CACNA2D3: variants seen among roughly 807,000 people sequenced by gnomAD.
CACNA2D3 encodes the protein voltage-dependent calcium channel subunit alpha-2/delta-3.
A neutral mutation model predicts 160.6 loss-of-function variants in CACNA2D3; 60 were observed. The ratio of observed to expected loss-of-function variants is 0.37; its 90% CI spans 0.30 to 0.46. The LOEUF (loss-of-function observed/expected upper bound fraction) is 0.46, where lower values mean the gene tolerates loss of function less well. CACNA2D3 is among the 20% of genes least tolerant of loss of function. The pLI, the probability that CACNA2D3 is intolerant of heterozygous loss-of-function variation, is 1.00. For missense variants in CACNA2D3, 1,205 were observed against 1,365.0 expected, an observed-to-expected ratio of 0.88 and a Z score of 1.85; for synonymous variants, 558 against 492.9, an observed-to-expected ratio of 1.13 and a Z score of -1.75.
At chr3:54,888,080 A>T (rs745366291) in intron 24 of CACNA2D3, 28 bp downstream of exon 24, 44 of 1,518,200 alleles carry the variant, frequency 2.9e-5, no homozygotes, top group Middle Eastern at 3.4e-4. Flanking sequence ...TCCTCGTTTC[A>T]TGGCCATTTC....
rs191042863 is a variant in CACNA2D3 at position 54,975,250 on chromosome 3, G to A, written c.2556+5406G>A. On this transcript the variant is annotated intron_variant, in intron 29 of 37. Transcript: ENST00000474759. Reference sequence around the variant, plus strand: ...TAAAGAAAATGTGGCTGGGCACGATGGCTCACACCTGTAATCCCAGCACTT... The same window carrying A: ...TAAAGAAAATGTGGCTGGGCACGATAGCTCACACCTGTAATCCCAGCACTT... 1.3e-4 allele frequency among the ~76,000 whole-genome samples: 20 copies of A among 152,300 alleles called. No homozygotes were observed. In the East Asian group the frequency reaches 3.9e-3, roughly 29 times the overall value.
chr3:54,837,242 C>G lies in CACNA2D3; in HGVS notation c.1470+12C>G. Reference sequence around the variant, plus strand: ...AGCAGAACGAAACCGTGAGTACAGTCGCTGAGCTTCCTGCTTGATGCTAGG... The same window carrying G: ...AGCAGAACGAAACCGTGAGTACAGTGGCTGAGCTTCCTGCTTGATGCTAGG... On this transcript the variant is annotated intron_variant, in intron 15 of 37. Transcript: ENST00000474759. The G allele has an allele frequency of 1.2e-6, 2 of 1,612,074 alleles. No individual in the cohort carries two copies. Among genetic ancestry groups the G allele is most frequent in the Non-Finnish European group, 1.7e-6 (2 of 1,178,184 alleles).
intron 9 of CACNA2D3, among the ~76,000 whole-genome samples, chr3:54,591,010 T>C (rs1702849037): frequency 6.6e-6 from 1 of 152,218 alleles, no homozygotes; most frequent in Non-Finnish European, 1.5e-5. Context: ...CAAAGCATTT[T>C]TTTTATTAGT....
intron 4 of CACNA2D3, among the ~76,000 whole-genome samples, chr3:54,439,332 T>TG (rs569912362): frequency 0.14 from 20,945 of 150,850 alleles, 1,651 homozygotes; most frequent in Admixed American, 0.24. Context: ...TGTGTGTGTG[T>TG]TTGTGTGTGA....
At chr3:54,332,953 C>T (rs994904953) in intron 3 of CACNA2D3, among the ~76,000 whole-genome samples, 6 of 152,218 alleles carry the variant, frequency 3.9e-5, no homozygotes, top group Admixed American at 6.5e-5. Flanking sequence ...GAGTCCTGGC[C>T]GTGCCACCCA....
chr3:54,858,316 T>C (rs1699214886), intron 17 of CACNA2D3, among the ~76,000 whole-genome samples: 1 of 152,064 alleles, frequency 6.6e-6, no homozygotes, highest in Non-Finnish European at 1.5e-5. Context: ...TTGCCCAGTG[T>C]CATCTAATTG....
chr3:54,672,627 T>C (rs1700180365), intron 11 of CACNA2D3, among the ~76,000 whole-genome samples: 1 of 152,230 alleles, frequency 6.6e-6, no homozygotes, highest in African/African-American at 2.4e-5. Context: ...GCATCACATC[T>C]ATGGATTAGT....
At chr3:55,053,394 G>T (rs1344261041) in intron 35 of CACNA2D3, among the ~76,000 whole-genome samples, 1 of 151,944 alleles carries the variant, frequency 6.6e-6, no homozygotes, top group Non-Finnish European at 1.5e-5. Flanking sequence ...AAGGAAATCA[G>T]TATAGATAGA....
intron 17 of CACNA2D3, among the ~76,000 whole-genome samples, chr3:54,849,419 G>GC (rs951117582): frequency 4.6e-5 from 7 of 152,246 alleles, no homozygotes; most frequent in Middle Eastern, 3.4e-3. Flanking sequence ...TCAGCACAGA[G>GC]CAGGGACTCA....
intron 9 of CACNA2D3, among the ~76,000 whole-genome samples, chr3:54,593,227 T>A (rs1702894222): frequency 6.6e-6 from 1 of 152,204 alleles, no homozygotes; most frequent in Admixed American, 6.5e-5. Flanking sequence ...AGATCCAGTA[T>A]AATTTAACGT....
intron 9 of CACNA2D3, among the ~76,000 whole-genome samples, chr3:54,623,031 T>C (rs938971587): frequency 6.6e-6 from 1 of 152,156 alleles, no homozygotes; most frequent in South Asian, 2.1e-4. Flanking sequence ...TCACGAGGTA[T>C]GGTCTCCGCA....
chr3:54,188,995 C>T lies in CACNA2D3; in HGVS notation c.204+65401C>T, dbSNP rs551185170. Reference sequence around the variant, plus strand: ...TTTTCCCCACCTCACTCCTGCAATACATCCAGCCTGAGTCAAAAGTGAAGC... The same window carrying T: ...TTTTCCCCACCTCACTCCTGCAATATATCCAGCCTGAGTCAAAAGTGAAGC... On this transcript the variant is annotated intron_variant, in intron 2 of 37. Transcript: ENST00000474759. Among the ~76,000 whole-genome samples the T allele has an allele frequency of 1.7e-3, 265 of 152,322 alleles. 1 individual carries two copies. The highest frequency in any genetic ancestry group is 3.1e-3 in the Non-Finnish European group (210 of 68,024).
At chr3:54,784,761 C>T (rs754158951) in intron 13 of CACNA2D3, among the ~76,000 whole-genome samples, 9 of 152,142 alleles carry the variant, frequency 5.9e-5, no homozygotes, top group Non-Finnish European at 1.2e-4. Flanking sequence ...CAGCAGACTT[C>T]GTGAGCAGGC....
At chr3:54,730,355 T>TA (rs756691302) in intron 11 of CACNA2D3, among the ~76,000 whole-genome samples, 84 of 152,204 alleles carry the variant, frequency 5.5e-4, no homozygotes, top group Non-Finnish European at 1.1e-3. Context: ...CACTGGGCCT[T>TA]ACTTCTGCTT....
intron 2 of CACNA2D3, among the ~76,000 whole-genome samples, chr3:54,216,948 G>T (rs1345486351): frequency 2.0e-5 from 3 of 152,164 alleles, no homozygotes; most frequent in Admixed American, 1.3e-4. Flanking sequence ...GAACTAAGTA[G>T]AACTCAAAGA....
intron 2 of CACNA2D3, among the ~76,000 whole-genome samples, chr3:54,249,864 A>C (rs1010316225): frequency 5.3e-5 from 8 of 151,574 alleles, no homozygotes; most frequent in African/African-American, 1.7e-4. Flanking sequence ...ACAACTCTTT[A>C]GTTACCTTTT....
intron 5 of CACNA2D3, among the ~76,000 whole-genome samples, chr3:54,557,930 A>G (rs1474714938): frequency 6.6e-6 from 1 of 152,152 alleles, no homozygotes; most frequent in Admixed American, 6.5e-5. Context: ...AGTGATCTGA[A>G]GGAATAAGGC....
chr3:54,681,133 G>GAC (rs1700340131), intron 11 of CACNA2D3, among the ~76,000 whole-genome samples: 6 of 151,798 alleles, frequency 4.0e-5, no homozygotes, highest in Admixed American at 3.9e-4. Context: ...GAGAGAGAGA[G>GAC]AGAGACAGAG....
chr3:54,250,951 G>T (rs1310115401), intron 2 of CACNA2D3, among the ~76,000 whole-genome samples: 1 of 152,104 alleles, frequency 6.6e-6, no homozygotes, highest in Admixed American at 6.5e-5. Flanking sequence ...GAAGGCCAAT[G>T]ACAGGAAGGA....
Sources: gnomAD v4.1 joint callset for allele counts (sites outside exome capture counted in the v4.1 genomes callset) on GRCh38, gnomAD v4.1.1 for gene constraint, MANE v1.5 for transcripts, NCBI Gene and HGNC (gene_info 2026-07-23, HGNC 2026-07-21) for gene names.